Variants in SFMBT2 observed in about 807,000 individuals in gnomAD.
SFMBT2 encodes the protein scm-like with four MBT domains protein 2.
Under a neutral mutation model 110.1 loss-of-function variants are expected in SFMBT2, and 38 were observed. The observed-to-expected ratio is 0.35, with a 90% CI of 0.27 to 0.45. The LOEUF is 0.45. Among genes scored for constraint, SFMBT2 ranks in the 20% least tolerant of loss-of-function variants. The pLI, the probability that SFMBT2 is intolerant of heterozygous loss-of-function variation, is 1.00. For missense variants in SFMBT2, 1,011 were observed against 1,094.9 expected, an observed-to-expected ratio of 0.92 and a Z score of 1.08; for synonymous variants, 425 against 425.4, an observed-to-expected ratio of 1.00 and a Z score of 0.01.
At chr10:7,169,619 G>A (rs1478539019) in intron 20 of SFMBT2, among the ~76,000 whole-genome samples, 1 of 151,788 alleles carries the variant, frequency 6.6e-6, no homozygotes, top group Non-Finnish European at 1.5e-5. Flanking sequence ...TTAACATGAG[G>A]TCTTTGAACA....
chr10:7,215,183 T>C (rs1008187636), intron 11 of SFMBT2, among the ~76,000 whole-genome samples: 1 of 152,170 alleles, frequency 6.6e-6, no homozygotes, highest in African/African-American at 2.4e-5. Context: ...GGCAGATCAC[T>C]TGAGCCCAGG....
intron 10 of SFMBT2, among the ~76,000 whole-genome samples, chr10:7,221,800 G>A (rs1839751499): frequency 6.6e-6 from 1 of 151,902 alleles, no homozygotes. Flanking sequence ...AGTCTTTTGG[G>A]TATACTGTTC....
At chr10:7,385,581 A>C (rs1845570919) in intron 1 of SFMBT2, among the ~76,000 whole-genome samples, 1 of 152,188 alleles carries the variant, frequency 6.6e-6, no homozygotes, top group Non-Finnish European at 1.5e-5. Context: ...CCCCAAAAAC[A>C]ATGATCATAA....
intron 4 of SFMBT2, among the ~76,000 whole-genome samples, chr10:7,315,118 G>GAAAGAAAGAA (rs1564435740): frequency 2.2e-4 from 31 of 140,780 alleles, no homozygotes; most frequent in African/African-American, 8.3e-4. Flanking sequence ...GAAAAAGCAA[G>GAAAGAAAGAA]CAAGCAAGCC....
At chr10:7,192,655 G>C (rs556565610) in intron 15 of SFMBT2, among the ~76,000 whole-genome samples, 2 of 152,226 alleles carry the variant, frequency 1.3e-5, no homozygotes, top group Non-Finnish European at 2.9e-5. Flanking sequence ...CACAGGGGCA[G>C]AAATCGAAAC....
Position 7,171,095 on chromosome 10 carries a change from G to A in SFMBT2, c.2416-39C>T, listed in dbSNP as rs746763707. 6.2e-7 allele frequency: 1 copy of A among 1,613,152 alleles called. No individual in the cohort carries two copies. The highest frequency in any genetic ancestry group is 1.1e-5 in the South Asian group (1 of 91,080). ...GCAGGAGGAGCTCAGCTGCGGCACA[G>A]TCAGCTGGCTGGGTCCTCTCCAGCA... On this transcript the variant is annotated intron_variant, in intron 19 of 20. Coordinates refer to ENST00000397167, the MANE Select transcript of SFMBT2 (RefSeq NM_001387889.1). This position sits in a 1 kb window ranked among gnomAD's most constrained non-coding sequence, Gnocchi z 4.9.
At chr10:7,250,453 A>G (rs146485341) in intron 7 of SFMBT2, among the ~76,000 whole-genome samples, 1 of 152,310 alleles carries the variant, frequency 6.6e-6, no homozygotes, top group East Asian at 1.9e-4. Flanking sequence ...ATTCCATGGT[A>G]TATATGTACC....
At chr10:7,255,596 A>G (rs1199318559) in intron 7 of SFMBT2, among the ~76,000 whole-genome samples, 1 of 152,180 alleles carries the variant, frequency 6.6e-6, no homozygotes, top group Admixed American at 6.5e-5. Context: ...TTATTGGAAG[A>G]CTGTCTTCAC....
chr10:7,300,124 C>T (rs142428347), intron 4 of SFMBT2, among the ~76,000 whole-genome samples: 56 of 152,178 alleles, frequency 3.7e-4, no homozygotes, highest in African/African-American at 1.3e-3. Context: ...ATTGAGAACA[C>T]ATGGACACAG....
At chr10:7,181,938 C>T (rs929999190) in intron 16 of SFMBT2, among the ~76,000 whole-genome samples, 1 of 152,236 alleles carries the variant, frequency 6.6e-6, no homozygotes, top group Non-Finnish European at 1.5e-5. Context: ...AAGGATCTTA[C>T]AGCATTTGAT....
Position 7,248,545 on chromosome 10 carries a change from C to T in SFMBT2, c.972+3G>A, listed in dbSNP as rs1840693858. ...GGTCGAAGAGCGAGGGAGGAAAACC[C>T]ACCTTAGTCACCGACGCAGGAGAGA... On this transcript the variant is annotated splice_donor_region_variant and intron_variant, in intron 8 of 20. Transcript: ENST00000397167. 6.2e-7 allele frequency: 1 copy of T among 1,613,694 alleles called. No homozygotes were observed.
chr10:7,371,364 T>C (rs1845061361), intron 2 of SFMBT2, among the ~76,000 whole-genome samples: 1 of 152,128 alleles, frequency 6.6e-6, no homozygotes. Flanking sequence ...GAACCTCAGG[T>C]GATCCACCTG....
chr10:7,331,887 G>A (rs1312970327), intron 4 of SFMBT2, among the ~76,000 whole-genome samples: 4 of 151,914 alleles, frequency 2.6e-5, no homozygotes, highest in African/African-American at 7.3e-5. Flanking sequence ...GTGCGCCCCT[G>A]TATTCTCAGC....
chr10:7,394,308 C>T lies in SFMBT2; in HGVS notation c.-51-12359G>A, dbSNP rs573185106. Among the ~76,000 whole-genome samples, 6 of 152,096 alleles carry T rather than the reference C, an allele frequency of 3.9e-5. No individual in the cohort carries two copies. The South Asian group carries it at 1.2e-3, about 32-fold the overall frequency. On this transcript the variant is annotated intron_variant, in intron 1 of 20. Transcript: ENST00000397167. ...GAAAGCCAAATATTCTCTATAAGGC[C>T]TGTGCGTCGATGCCCACCCCTAAAA...
chr10:7,392,986 TATATATATATATATATA>T (rs1845813690), intron 1 of SFMBT2, among the ~76,000 whole-genome samples: 2 of 5,286 alleles, frequency 3.8e-4, no homozygotes, highest in African/African-American at 9.2e-4. Context: ...GGATAGATTA[TATATATATATATATATA>T]TATATATATA....
chr10:7,235,231 G>A (rs1050033829), intron 9 of SFMBT2, among the ~76,000 whole-genome samples: 1 of 152,050 alleles, frequency 6.6e-6, no homozygotes, highest in Admixed American at 6.6e-5. Flanking sequence ...AAATACCCTT[G>A]ACCCTATGAA....
intron 4 of SFMBT2, among the ~76,000 whole-genome samples, chr10:7,302,466 C>G (rs1752537852): frequency 6.6e-6 from 1 of 152,224 alleles, no homozygotes; most frequent in Admixed American, 6.5e-5. Context: ...CAGCTCCAAA[C>G]GTGGCTGTGA....
intron 4 of SFMBT2, among the ~76,000 whole-genome samples, chr10:7,333,633 G>A (rs1378497573): frequency 2.0e-5 from 3 of 151,670 alleles, no homozygotes; most frequent in African/African-American, 4.8e-5. Context: ...CTGGAGACTG[G>A]GTAATTTATA....
intron 4 of SFMBT2, among the ~76,000 whole-genome samples, chr10:7,302,908 A>G: frequency 6.6e-6 from 1 of 152,202 alleles, no homozygotes; most frequent in Middle Eastern, 3.2e-3. Context: ...TAGAATAAGT[A>G]AAGTTCCTAA....
Sources: gnomAD v4.1 joint callset for allele counts (sites outside exome capture counted in the v4.1 genomes callset) on GRCh38, gnomAD v4.1.1 for gene constraint, Gnocchi (gnomAD v3.1) non-coding constraint, MANE v1.5 for transcripts, NCBI Gene and HGNC (gene_info 2026-07-23, HGNC 2026-07-21) for gene names.